Variants in HTR1E observed in about 807,000 individuals in gnomAD.
HTR1E encodes the protein 5-hydroxytryptamine receptor 1E, also known as 5-HT-1E.
A neutral mutation model predicts 3.4 loss-of-function variants in HTR1E; 3 were observed. That is an observed-to-expected ratio of 0.89 (90% CI 0.41 to 2.31). HTR1E has a LOEUF of 2.31. Among genes scored for constraint, HTR1E ranks in the 30% most tolerant of loss-of-function variants. The pLI, the probability that HTR1E is intolerant of heterozygous loss-of-function variation, is 0.05. For synonymous variants in HTR1E, 170 were observed against 182.8 expected (o/e 0.93, Z 0.56); for missense variants, 392 against 467.0 (o/e 0.84, Z 1.48).
intron 1 of HTR1E, among the ~76,000 whole-genome samples, chr6:86,944,061 C>T (rs139136702): frequency 1.2e-4 from 18 of 152,314 alleles, no homozygotes; most frequent in Admixed American, 4.6e-4. Context: ...TGGCTGGAGA[C>T]GTTCTTTTGC....
At chr6:86,991,075 T>C (rs2127827706) in intron 1 of HTR1E, among the ~76,000 whole-genome samples, 1 of 152,246 alleles carries the variant, frequency 6.6e-6, no homozygotes, top group East Asian at 1.9e-4. Context: ...AACCCCAGTC[T>C]AAACATGAGG....
chr6:86,992,684 G>A (rs1032259892), intron 1 of HTR1E, among the ~76,000 whole-genome samples: 1 of 152,144 alleles, frequency 6.6e-6, no homozygotes, highest in African/African-American at 2.4e-5. Context: ...TATCTCTTAG[G>A]TGTCAGGAAA....
At chr6:87,009,029 T>C (rs1044714561) in intron 1 of HTR1E, among the ~76,000 whole-genome samples, 3 of 152,166 alleles carry the variant, frequency 2.0e-5, no homozygotes, top group African/African-American at 7.2e-5. Context: ...TGAGTCCCTT[T>C]TAGTCTATAC....
In HTR1E at chr6:87,015,999, T is replaced by C; in HGVS notation, c.665T>C (p.Leu222Ser). ...LYQKRGSSRH[L>S]SNRSTDSQNS... The stretch of plus-strand genomic sequence containing the variant: ...CAGAAAAGGGGATCAAGTCGGCACT[T>C]AAGCAACAGAAGCACAGATAGCCAG... Residue 222 changes from leucine to serine, a missense_variant, in exon 2 of 2, where the codon TTA (leucine) becomes TCA (serine). Leu to Ser is a moderately radical substitution (Grantham distance 145, BLOSUM62 -2). Around this residue, in one of 3 missense-constraint regions of HTR1E, gnomAD observed 178 missense variants for 164.9 expected, o/e 1.08. Transcript: ENST00000305344. The C allele has an allele frequency of 6.2e-7, 1 of 1,614,220 alleles. No homozygotes were observed. The highest frequency in any genetic ancestry group is 8.5e-7 in the Non-Finnish European group (1 of 1,180,036).
intron 1 of HTR1E, among the ~76,000 whole-genome samples, chr6:86,963,437 GAAGAA>G (rs1179645095): frequency 3.9e-5 from 6 of 152,022 alleles, no homozygotes; most frequent in South Asian, 2.1e-4. Context: ...ATTTATAATT[GAAGAA>G]AAGAAAATAT....
intron 1 of HTR1E, among the ~76,000 whole-genome samples, chr6:86,968,198 G>A (rs1767502158): frequency 6.6e-6 from 1 of 151,932 alleles, no homozygotes; most frequent in Non-Finnish European, 1.5e-5. Flanking sequence ...TATTTAACTG[G>A]TCTGTTATTA....
chr6:87,010,105 A>T (rs1384844857), intron 1 of HTR1E, among the ~76,000 whole-genome samples: 2 of 119,474 alleles, frequency 1.7e-5, no homozygotes, highest in Non-Finnish European at 3.4e-5. Context: ...GGCCGGGCTG[A>T]GGGGCTCCTC....
At chr6:86,993,802 T>A (rs975079020) in intron 1 of HTR1E, among the ~76,000 whole-genome samples, 21 of 151,604 alleles carry the variant, frequency 1.4e-4, no homozygotes. Flanking sequence ...ACCAGGAAAA[T>A]TTAACTTAAA....
intron 1 of HTR1E, among the ~76,000 whole-genome samples, chr6:86,981,004 G>T (rs1252473061): frequency 6.6e-6 from 1 of 152,178 alleles, no homozygotes; most frequent in African/African-American, 2.4e-5. Context: ...GACTGCATAG[G>T]TTGTCTGGTG....
intron 1 of HTR1E, among the ~76,000 whole-genome samples, chr6:86,997,763 G>A (rs1767964799): frequency 6.6e-6 from 1 of 151,698 alleles, no homozygotes; most frequent in African/African-American, 2.4e-5. Flanking sequence ...ATTACACTAA[G>A]TGTAAATAAT....
intron 1 of HTR1E, among the ~76,000 whole-genome samples, chr6:86,979,281 A>C (rs542648511): frequency 6.6e-6 from 1 of 152,374 alleles, no homozygotes; most frequent in East Asian, 1.9e-4. Flanking sequence ...CTTCCAGTTC[A>C]ATAGGAGAAA....
chr6:86,985,412 A>G (rs888488739), intron 1 of HTR1E, among the ~76,000 whole-genome samples: 17 of 152,338 alleles, frequency 1.1e-4, no homozygotes, highest in South Asian at 6.2e-4. Flanking sequence ...TTATGTGTAT[A>G]GGGAACATCA....
chr6:87,006,357 A>G (rs958955850), intron 1 of HTR1E, among the ~76,000 whole-genome samples: 1 of 152,234 alleles, frequency 6.6e-6, no homozygotes, highest in African/African-American at 2.4e-5. Flanking sequence ...TTGATAAGGA[A>G]AATGTGGTAG....
chr6:86,980,153 C>T (rs923940438), intron 1 of HTR1E, among the ~76,000 whole-genome samples: 4 of 151,954 alleles, frequency 2.6e-5, no homozygotes, highest in African/African-American at 4.8e-5. Flanking sequence ...TTTGGGAGGC[C>T]GAGGCGGGCG....
chr6:87,010,633 G>C (rs1414750329), intron 1 of HTR1E, among the ~76,000 whole-genome samples: 1 of 146,550 alleles, frequency 6.8e-6, no homozygotes, highest in Non-Finnish European at 1.5e-5. Context: ...ATGGGATGGC[G>C]GCCGGGCGGA....
intron 1 of HTR1E, among the ~76,000 whole-genome samples, chr6:86,991,211 G>A (rs912194728): frequency 2.4e-4 from 36 of 152,238 alleles, no homozygotes; most frequent in Admixed American, 2.4e-3. Context: ...AGAAGAGACT[G>A]GGGAGATAAG....
intron 1 of HTR1E, among the ~76,000 whole-genome samples, chr6:86,991,848 A>G (rs1767873145): frequency 6.6e-6 from 1 of 152,182 alleles, no homozygotes; most frequent in Non-Finnish European, 1.5e-5. Flanking sequence ...AGTTGCAAAC[A>G]TATGTTTTAT....
intron 1 of HTR1E, among the ~76,000 whole-genome samples, chr6:86,941,044 T>C (rs1458708922): frequency 3.3e-5 from 5 of 152,142 alleles, no homozygotes; most frequent in Non-Finnish European, 7.4e-5. Flanking sequence ...GGAAGAGAAA[T>C]GGGGCAGCAG....
At chr6:86,967,957 C>T (rs1767496994) in intron 1 of HTR1E, among the ~76,000 whole-genome samples, 1 of 152,126 alleles carries the variant, frequency 6.6e-6, no homozygotes. Flanking sequence ...TTGTTCCTCT[C>T]ACCTGGCTTT....
Sources: allele counts gnomAD v4.1 joint callset (sites outside exome capture counted in the v4.1 genomes callset), GRCh38; gene constraint gnomAD v4.1.1; regional missense constraint gnomAD v4.1.1; transcripts MANE v1.5; gene names NCBI Gene and HGNC (gene_info 2026-07-23, HGNC 2026-07-21).